CSMD1: variants seen among roughly 807,000 people sequenced by gnomAD.
The protein encoded by CSMD1 is CUB and Sushi multiple domains 1.
A neutral mutation model predicts 417.5 loss-of-function variants in CSMD1; 213 were observed. The observed-to-expected ratio is 0.51, with a 90% CI of 0.46 to 0.57. The LOEUF (loss-of-function observed/expected upper bound fraction) is 0.57, where lower values mean the gene tolerates loss of function less well. Ranked by LOEUF, CSMD1 falls within the 20% of genes least tolerant of loss-of-function variation. The pLI is 0.00. For missense variants in CSMD1, 6,923 were observed against 4,529.7 expected (o/e 1.53, Z -15.17); for synonymous variants, 2,862 against 1,736.8 (o/e 1.65, Z -16.11).
At chr8:4,122,122 G>A (rs1304997478) in intron 3 of CSMD1, among the ~76,000 whole-genome samples, 1 of 151,958 alleles carries the variant, frequency 6.6e-6, no homozygotes, top group Non-Finnish European at 1.5e-5. Context: ...TAGGATATCA[G>A]AGATACTTAC....
chr8:3,174,398 G>A (rs1820779311), intron 37 of CSMD1, among the ~76,000 whole-genome samples: 1 of 152,160 alleles, frequency 6.6e-6, no homozygotes, highest in Admixed American at 6.5e-5. Flanking sequence ...CAAAGGCTGA[G>A]GTGGGAGGAT....
chr8:3,794,901 G>C (rs1421150366), intron 5 of CSMD1, among the ~76,000 whole-genome samples: 1 of 151,234 alleles, frequency 6.6e-6, no homozygotes, highest in Non-Finnish European at 1.5e-5. Flanking sequence ...GTCTGTAATG[G>C]TTTCCTACCC....
At chr8:4,024,257 T>C (rs897511480) in intron 4 of CSMD1, among the ~76,000 whole-genome samples, 5 of 152,146 alleles carry the variant, frequency 3.3e-5, no homozygotes, top group Non-Finnish European at 7.3e-5. Context: ...AAGGTGTCAA[T>C]TGAGAAAGTT....
chr8:4,347,609 G>A (rs1019898216), intron 3 of CSMD1, among the ~76,000 whole-genome samples: 4 of 152,160 alleles, frequency 2.6e-5, no homozygotes, highest in African/African-American at 9.7e-5. Context: ...TTGGCCATCT[G>A]CTCTGAGTCT....
chr8:3,655,839 T>A (rs865853667), intron 7 of CSMD1, among the ~76,000 whole-genome samples: 2 of 152,124 alleles, frequency 1.3e-5, no homozygotes, highest in Admixed American at 1.3e-4. Context: ...ATGCAAAGAC[T>A]AGTTGACGGA....
chr8:3,888,244 G>T (rs970682868), intron 5 of CSMD1, among the ~76,000 whole-genome samples: 3 of 152,146 alleles, frequency 2.0e-5, no homozygotes, highest in Non-Finnish European at 4.4e-5. Context: ...TAAGCAAAAT[G>T]TGATGATCTG....
At chr8:3,307,584 C>G in intron 25 of CSMD1, 111 bp downstream of exon 25, 1 of 1,253,892 alleles carries the variant, frequency 8.0e-7, no homozygotes. Flanking sequence ...ACCTTTTCTT[C>G]TTTAGTTCAG....
chr8:4,444,346 CAAAAAAAAAAAAAAAA>C (rs112028005), intron 2 of CSMD1, among the ~76,000 whole-genome samples: 4 of 46,278 alleles, frequency 8.6e-5, no homozygotes, highest in African/African-American at 2.1e-4. Flanking sequence ...GACTCCATCT[CAAAAAAAAAAAAAAAA>C]AAAAAAAAAA....
At chr8:3,546,542 A>G (rs1167988951) in intron 10 of CSMD1, among the ~76,000 whole-genome samples, 1 of 152,074 alleles carries the variant, frequency 6.6e-6, no homozygotes, top group Non-Finnish European at 1.5e-5. Flanking sequence ...AAAAAAAGAA[A>G]AAAAAAAATC....
At chr8:4,640,057 A>G (rs1208205935) in intron 1 of CSMD1, among the ~76,000 whole-genome samples, 1 of 152,240 alleles carries the variant, frequency 6.6e-6, no homozygotes, top group Admixed American at 6.5e-5. Context: ...AGTTCAACAG[A>G]AAAACGTCAA....
At chr8:3,686,513 A>G (rs1231305493) in intron 7 of CSMD1, among the ~76,000 whole-genome samples, 1 of 152,142 alleles carries the variant, frequency 6.6e-6, no homozygotes, top group Non-Finnish European at 1.5e-5. Context: ...CAGTTACAAG[A>G]TCATGTCATT....
At chr8:4,295,389 T>C (rs1415044854) in intron 3 of CSMD1, among the ~76,000 whole-genome samples, 2 of 144,838 alleles carry the variant, frequency 1.4e-5, no homozygotes, top group Non-Finnish European at 3.0e-5. Context: ...TATACACATA[T>C]AATCTTAAGA....
At position 4,647,371 on chromosome 8, in the gene CSMD1, C is replaced by T. The variant is rs76906462; in HGVS notation, c.86-9813G>A. 3.2e-4 allele frequency among the ~76,000 whole-genome samples: 33 copies of T among 102,814 alleles called. 1 individual carries two copies. The East Asian group carries it at 4.1e-3, about 13-fold the overall frequency. 67.4% of individuals were successfully genotyped at this position (102,814 alleles called of 152,430 possible). A position where few individuals can be genotyped will look rare whatever the true frequency, so the allele number is the denominator to read the frequency against. ...ACGCGTGTGCCACGGCGGCCTGCTACGTAGGTACGCGTGTGCCACGGAGGT... is the reference window on the plus strand; with the variant it reads ...ACGCGTGTGCCACGGCGGCCTGCTATGTAGGTACGCGTGTGCCACGGAGGT... On this transcript the variant is annotated intron_variant, in intron 1 of 69. Coordinates refer to ENST00000635120, the MANE Select transcript of CSMD1 (RefSeq NM_033225.6).
intron 1 of CSMD1, among the ~76,000 whole-genome samples, chr8:4,795,743 T>C (rs968525832): frequency 7.9e-5 from 12 of 152,100 alleles, no homozygotes; most frequent in Non-Finnish European, 1.5e-4. Flanking sequence ...TCCAGGGCTC[T>C]TGTCAGTTAC....
At chr8:4,011,045 C>G (rs946891542) in intron 4 of CSMD1, among the ~76,000 whole-genome samples, 1 of 152,190 alleles carries the variant, frequency 6.6e-6, no homozygotes, top group African/African-American at 2.4e-5. Flanking sequence ...GCCAGCATCT[C>G]TTGCCAAATC....
chr8:4,180,011 T>C (rs889793153), intron 3 of CSMD1, among the ~76,000 whole-genome samples: 1 of 152,026 alleles, frequency 6.6e-6, no homozygotes, highest in Non-Finnish European at 1.5e-5. Context: ...ATTGTGGAAG[T>C]CAGTGTGGCG....
intron 3 of CSMD1, among the ~76,000 whole-genome samples, chr8:4,236,567 G>A (rs1407940095): frequency 6.6e-6 from 1 of 152,280 alleles, no homozygotes; most frequent in East Asian, 1.9e-4. Flanking sequence ...GTGATAGAAA[G>A]TTTTCAATAC....
Position 4,236,438 on chromosome 8 carries a change from G to A in CSMD1, c.415+183515C>T, listed in dbSNP as rs1043273131. Among the ~76,000 whole-genome samples the A allele has an allele frequency of 1.1e-4, 16 of 152,064 alleles. No homozygotes were observed. The East Asian group carries it at 3.1e-3, about 29-fold the overall frequency. On this transcript the variant is annotated intron_variant, in intron 3 of 69. Coordinates refer to ENST00000635120, the MANE Select transcript of CSMD1 (RefSeq NM_033225.6). ...CAAGAATTTTTCTCCTACACCCCGGGTAACACTGTGACATTTAACAACAAA... is the reference window on the plus strand; with the variant it reads ...CAAGAATTTTTCTCCTACACCCCGGATAACACTGTGACATTTAACAACAAA...
intron 41 of CSMD1, among the ~76,000 whole-genome samples, chr8:3,136,576 G>C (rs1000232717): frequency 1.3e-5 from 2 of 152,056 alleles, no homozygotes; most frequent in Non-Finnish European, 2.9e-5. Flanking sequence ...ATCCCTTTCG[G>C]ATTTCTGGTA....
Sources: allele counts gnomAD v4.1 joint callset (sites outside exome capture counted in the v4.1 genomes callset), GRCh38; gene constraint gnomAD v4.1.1; transcripts MANE v1.5; gene names NCBI Gene and HGNC (gene_info 2026-07-23, HGNC 2026-07-21).